RIC1: variants seen among roughly 807,000 people sequenced by gnomAD.
The protein encoded by RIC1 is guanine nucleotide exchange factor subunit RIC1.
RIC1 carries 88 observed loss-of-function variants against 169.0 expected under a neutral mutation model. The observed-to-expected ratio is 0.52, with a 90% CI of 0.44 to 0.62. The LOEUF (loss-of-function observed/expected upper bound fraction) is 0.62, where lower values mean the gene tolerates loss of function less well. Ranked by LOEUF, RIC1 falls within the 20% of genes least tolerant of loss-of-function variation. The probability of loss-of-function intolerance (pLI) is 0.00; values close to 1 mark genes in which losing one functional copy is unlikely to be tolerated. For missense variants in RIC1, 1,877 were observed against 1,725.5 expected (o/e 1.09, Z -1.56); for synonymous variants, 790 against 601.5 (o/e 1.31, Z -4.59).
At chr9:5,742,074 T>C (rs1587083537) in intron 8 of RIC1, among the ~76,000 whole-genome samples, 1 of 152,196 alleles carries the variant, frequency 6.6e-6, no homozygotes, top group East Asian at 1.9e-4. Context: ...GGGAGTATTA[T>C]TTTCCATTCA....
intron 2 of RIC1, among the ~76,000 whole-genome samples, chr9:5,663,959 A>T (rs1046551482): frequency 2.0e-5 from 3 of 152,070 alleles, no homozygotes; most frequent in Non-Finnish European, 2.9e-5. Flanking sequence ...TCCTTTCCAT[A>T]TTTAGTGCTT....
chr9:5,636,953 A>G (rs1817999902), intron 1 of RIC1, among the ~76,000 whole-genome samples: 1 of 152,200 alleles, frequency 6.6e-6, no homozygotes, highest in East Asian at 1.9e-4. Flanking sequence ...TTTTAATATT[A>G]ATGAATTTAA....
At chr9:5,772,418 T>A in intron 23 of RIC1, 146 bp from the exon 24 acceptor site, 1 of 626,678 alleles carries the variant, frequency 1.6e-6, no homozygotes, top group Non-Finnish European at 2.7e-6. Context: ...TTTTCTATGT[T>A]CACATGGTAA....
intron 3 of RIC1, among the ~76,000 whole-genome samples, chr9:5,699,022 G>A (rs966382986): frequency 1.3e-5 from 2 of 152,192 alleles, no homozygotes; most frequent in African/African-American, 4.8e-5. Context: ...AGCAATAACA[G>A]ACTTGACTCC....
chr9:5,705,649 T>C (rs1193208153), intron 3 of RIC1, among the ~76,000 whole-genome samples: 1 of 152,200 alleles, frequency 6.6e-6, no homozygotes. Context: ...GATTGCTGTC[T>C]AGAATGTCCA....
At chr9:5,684,343 G>C (rs1821076854) in intron 2 of RIC1, among the ~76,000 whole-genome samples, 1 of 131,088 alleles carries the variant, frequency 7.6e-6, no homozygotes, top group Admixed American at 9.6e-5. Context: ...CTGGGAGTTT[G>C]ATTGGGATTA....
At chr9:5,769,288 A>C (rs749663819) in intron 22 of RIC1, 32 bp downstream of exon 22, 1 of 1,613,974 alleles carries the variant, frequency 6.2e-7, no homozygotes, top group South Asian at 1.1e-5. Context: ...TTGTACAAGG[A>C]GAATTGTATT....
chr9:5,668,637 T>C (rs1819920844), intron 2 of RIC1, among the ~76,000 whole-genome samples: 1 of 152,234 alleles, frequency 6.6e-6, no homozygotes, highest in Non-Finnish European at 1.5e-5. Flanking sequence ...AGTACATTTA[T>C]CTTTTCCGTC....
intron 15 of RIC1, among the ~76,000 whole-genome samples, chr9:5,755,165 C>T (rs1315268909): frequency 6.6e-6 from 1 of 152,158 alleles, no homozygotes; most frequent in Non-Finnish European, 1.5e-5. Flanking sequence ...AGCTGTCGGA[C>T]ATTCCCTATG....
intron 7 of RIC1, 113 bp downstream of exon 7, chr9:5,732,592 A>T (rs1824438475): frequency 1.8e-6 from 1 of 566,678 alleles, no homozygotes; most frequent in Admixed American, 3.2e-5. Context: ...TCATGCTATC[A>T]TAATTTATCA....
At chr9:5,754,983 C>G (rs563657990) in intron 15 of RIC1, 53 bp downstream of exon 15, 1 of 1,167,736 alleles carries the variant, frequency 8.6e-7, no homozygotes, top group Non-Finnish European at 1.2e-6. Flanking sequence ...AGCTATTAAG[C>G]ATGAATTAAT....
At chr9:5,677,279 A>G (rs1409859676) in intron 2 of RIC1, among the ~76,000 whole-genome samples, 2 of 152,110 alleles carry the variant, frequency 1.3e-5, no homozygotes, top group Non-Finnish European at 2.9e-5. Context: ...ATAACTAATG[A>G]TGTTGAACAT....
chr9:5,740,007 C>A (rs1207538411), intron 8 of RIC1, among the ~76,000 whole-genome samples: 1 of 152,132 alleles, frequency 6.6e-6, no homozygotes, highest in Non-Finnish European at 1.5e-5. Flanking sequence ...GGAGATAAGA[C>A]CCTCACTCAG....
At chr9:5,754,561 C>A (rs1825895004) in intron 14 of RIC1, among the ~76,000 whole-genome samples, 1 of 151,848 alleles carries the variant, frequency 6.6e-6, no homozygotes, top group Non-Finnish European at 1.5e-5. Context: ...AAACCCCGTC[C>A]CTACAAAATA....
At chr9:5,715,812 A>T (rs992130713) in intron 4 of RIC1, among the ~76,000 whole-genome samples, 2 of 57,914 alleles carry the variant, frequency 3.5e-5, no homozygotes, top group Admixed American at 2.4e-4. Context: ...CTCCCCTCCC[A>T]TCCCCTTCCC....
chr9:5,642,090 G>A (rs1040384375), intron 1 of RIC1, among the ~76,000 whole-genome samples: 2 of 144,644 alleles, frequency 1.4e-5, no homozygotes, highest in Middle Eastern at 3.2e-3. Flanking sequence ...CCAGTTATTC[G>A]AAGGGACTTG....
chr9:5,722,348 A>AGAGTGTGTGTGT (rs374028302), intron 6 of RIC1, among the ~76,000 whole-genome samples: 3 of 131,298 alleles, frequency 2.3e-5, no homozygotes, highest in African/African-American at 8.6e-5. Flanking sequence ...AGAGAGAGAG[A>AGAGTGTGTGTGT]GTGTGTGTGT....
At chr9:5,731,351 TTTA>T (rs1243997174) in intron 6 of RIC1, among the ~76,000 whole-genome samples, 1 of 152,126 alleles carries the variant, frequency 6.6e-6, no homozygotes, top group Non-Finnish European at 1.5e-5. Flanking sequence ...AATGTCCAGT[TTTA>T]TTATTAAAAT....
intron 4 of RIC1, among the ~76,000 whole-genome samples, chr9:5,714,224 T>C (rs1423043824): frequency 1.3e-5 from 2 of 152,208 alleles, no homozygotes; most frequent in Non-Finnish European, 2.9e-5. Flanking sequence ...ACTATAATCT[T>C]ATTTTGAAAT....
Sources: allele counts gnomAD v4.1 joint callset (sites outside exome capture counted in the v4.1 genomes callset), GRCh38; gene constraint gnomAD v4.1.1; transcripts MANE v1.5; gene names NCBI Gene and HGNC (gene_info 2026-07-23, HGNC 2026-07-21).